FSCB: variants seen among roughly 807,000 people sequenced by gnomAD.
FSCB encodes fibrous sheath CABYR binding protein, also known as fibrous sheath CABYR-binding protein.
For missense variants in FSCB, 975 were observed against 934.8 expected (o/e 1.04, Z -0.56); for synonymous variants, 331 against 336.6 (o/e 0.98, Z 0.18).
rs774098073 is a variant in FSCB at position 44,506,124 on chromosome 14, C to T, written c.864G>A (p.Glu288=). 13 of 1,614,014 alleles carry T rather than the reference C, an allele frequency of 8.1e-6. No homozygotes were observed. In the South Asian group the frequency reaches 1.4e-4, roughly 18 times the overall value. ...TAKAEPRPAE[E]THVQVQPSTE... is the part of the protein sequence containing the mutation. ...TTGATGGCTGTACTTGGACATGGGT[C>T]TCTTCAGCAGGTCTGGGCTCCGCTT... is the stretch of plus-strand genomic sequence containing the variant. The change falls in exon 1 of 1, where the codon GAG becomes GAA. Residue 288 remains glutamate, a synonymous_variant. Coordinates refer to ENST00000340446, the MANE Select transcript of FSCB (RefSeq NM_032135.4).
rs1566598890 is a variant in FSCB at position 44,505,943 on chromosome 14, C to T, written c.1045G>A (p.Glu349Lys). The T allele has an allele frequency of 3.1e-6, 5 of 1,613,168 alleles. No individual in the cohort carries two copies. Among genetic ancestry groups the T allele is most frequent in the Non-Finnish European group, 4.2e-6 (5 of 1,179,234 alleles). The change falls in exon 1 of 1, where the codon GAA becomes AAA. Residue 349 changes from glutamate to lysine, a missense_variant. By Grantham distance (56) the Glu-to-Lys change is moderately conservative (BLOSUM62 1). Coordinates refer to ENST00000340446, the MANE Select transcript of FSCB (RefSeq NM_032135.4). ...TCTTCAGCTGATGGAGGCAGAATTT[C>T]AGCCAGAAGCTCTACAGAAGGAGAC... The part of the protein sequence containing the change: ...EESPSVELLA[E>K]ILPPSAEESP...
rs1881013942 is a variant in FSCB at position 44,504,542 on chromosome 14, T to C, written c.2446A>G (p.Ile816Val). The change falls in exon 1 of 1, where the codon ATA (isoleucine) becomes GTA (valine). Residue 816 changes from isoleucine (I) to valine (V), a missense_variant. By Grantham distance (29) the Ile-to-Val change is conservative. Coordinates refer to ENST00000340446, the MANE Select transcript of FSCB (RefSeq NM_032135.4). ...PTLEIESVFH[I>V]ELKQRPPEL ...TCAGGAGGACGTTGTTTTAATTCTATATGAAAAACACTTTCTATTTCAAGA... is the reference window on the plus strand; with the variant it reads ...TCAGGAGGACGTTGTTTTAATTCTACATGAAAAACACTTTCTATTTCAAGA... The C allele has an allele frequency of 6.2e-7, 1 of 1,612,538 alleles. No individual in the cohort carries two copies.
At chr14:44,504,860 C>A in the FSCB span, 9 of 1,614,202 alleles carry the variant, frequency 5.6e-6, no homozygotes, top group Non-Finnish European at 7.6e-6. Context: ...GAGGCCTCTT[C>A]TGCAGGGACA....
rs746482256 is a variant in FSCB, at chr14:44,504,547, A to C, written c.2441T>G (p.Phe814Cys). 6.2e-6 allele frequency: 10 copies of C among 1,613,090 alleles called. No homozygotes were observed. In the Admixed American group the frequency reaches 1.7e-4, roughly 27 times the overall value. Reference sequence around the variant, plus strand: ...AGGACGTTGTTTTAATTCTATATGAAAAACACTTTCTATTTCAAGAGTGGG... The same window carrying C: ...AGGACGTTGTTTTAATTCTATATGACAAACACTTTCTATTTCAAGAGTGGG... ...QAPTLEIESVFHIELKQRPPE... is the reference protein window; with the variant it reads ...QAPTLEIESVCHIELKQRPPE... Residue 814 changes from phenylalanine to cysteine, a missense_variant, in exon 1 of 1, where the codon TTT (phenylalanine) becomes TGT (cysteine). Phe to Cys is a radical substitution (Grantham distance 205). Coordinates refer to ENST00000340446, the MANE Select transcript of FSCB (RefSeq NM_032135.4).
chr14:44,506,257 T>G lies in FSCB; in HGVS notation c.731A>C (p.Gln244Pro), dbSNP rs1412545715. Residue 244 changes from glutamine (Q) to proline (P), a missense_variant, in exon 1 of 1, where the codon CAA becomes CCA. Gln to Pro is a moderately conservative substitution (Grantham distance 76). Transcript: ENST00000340446. ...CACTTTTTTAACAGCAGAACCTTCTTGTACAACAGGTACAGTTACTTCTTC... is the reference window on the plus strand; with the variant it reads ...CACTTTTTTAACAGCAGAACCTTCTGGTACAACAGGTACAGTTACTTCTTC... Reference protein sequence around the residue: ...LREEVTVPVVQEGSAVKKVAS... With the variant: ...LREEVTVPVVPEGSAVKKVAS... 1.2e-5 allele frequency: 19 copies of G among 1,614,192 alleles called. No individual in the cohort carries two copies. Among genetic ancestry groups the G allele is most frequent in the African/African-American group, 1.3e-5 (1 of 75,048 alleles).
At position 44,504,550 on chromosome 14, in the gene FSCB, A is replaced by T. The variant is rs754505039; in HGVS notation, c.2438T>A (p.Val813Asp). 6.2e-6 allele frequency: 10 copies of T among 1,613,092 alleles called. No individual in the cohort carries two copies. In the Admixed American group the frequency reaches 1.0e-4, roughly 16 times the overall value. Reference sequence around the variant, plus strand: ...ACGTTGTTTTAATTCTATATGAAAAACACTTTCTATTTCAAGAGTGGGAGC... The same window carrying T: ...ACGTTGTTTTAATTCTATATGAAAATCACTTTCTATTTCAAGAGTGGGAGC... ...GQAPTLEIES[V>D]FHIELKQRPP... Residue 813 changes from valine (V) to aspartate (D), a missense_variant, in exon 1 of 1, where the codon GTT becomes GAT. Coordinates refer to ENST00000340446, the MANE Select transcript of FSCB (RefSeq NM_032135.4).
chr14:44,506,290 T>C lies in FSCB; in HGVS notation c.698A>G (p.Glu233Gly). 6.2e-7 allele frequency: 1 copy of C among 1,614,168 alleles called. No homozygotes were observed. The highest frequency in any genetic ancestry group is 8.5e-7 in the Non-Finnish European group (1 of 1,180,006). The part of the protein sequence containing the change: ...KKGPPVLLED[E>G]LREEVTVPVV... ...AGGTACAGTTACTTCTTCCCTAAGC[T>C]CATCTTCTAAAAGTACCGGGGGACC... Residue 233 changes from glutamate to glycine, a missense_variant, in exon 1 of 1, where the codon GAG (glutamate) becomes GGG (glycine). Physicochemically the swap from Glu to Gly is moderately conservative, Grantham distance 98. Coordinates refer to ENST00000340446, the MANE Select transcript of FSCB (RefSeq NM_032135.4).
rs1419779624 is a variant in FSCB at position 44,506,259 on chromosome 14, T to TACAACAGGTACAGTTACTTCTTCC, written c.705_728dup (p.Glu236_Val243dup). ...CTTTTTTAACAGCAGAACCTTCTTG[T>TACAACAGGTACAGTTACTTCTTCC]ACAACAGGTACAGTTACTTCTTCCC... On this transcript the variant is annotated inframe_insertion, in exon 1 of 1. Coordinates refer to ENST00000340446, the MANE Select transcript of FSCB (RefSeq NM_032135.4). 1 of 1,614,182 alleles carries TACAACAGGTACAGTTACTTCTTCC rather than the reference T, an allele frequency of 6.2e-7. No individual in the cohort carries two copies. Among genetic ancestry groups the TACAACAGGTACAGTTACTTCTTCC allele is most frequent in the South Asian group, 1.1e-5 (1 of 91,076 alleles).
In FSCB at chr14:44,505,595, T is replaced by A. The variant is rs1365634702; in HGVS notation, c.1393A>T (p.Thr465Ser). ...TCAGCAGAGGCCTCTTCTGCAGTGG[T>A]CTCTTTAGGTAATGGAGACTGAAAT... is the stretch of plus-strand genomic sequence containing the variant. ...TEFQSPLPKE[T>S]TAEEASAEIQ... The change falls in exon 1 of 1, where the codon ACC becomes TCC. Residue 465 changes from threonine to serine, a missense_variant. Coordinates refer to ENST00000340446, the MANE Select transcript of FSCB (RefSeq NM_032135.4). The A allele has an allele frequency of 1.2e-6, 2 of 1,612,740 alleles. No homozygotes were observed. Among genetic ancestry groups the A allele is most frequent in the Non-Finnish European group, 1.7e-6 (2 of 1,179,902 alleles).
In FSCB at chr14:44,504,220, T is replaced by A. The variant is rs1035046891; in HGVS notation, c.*290A>T. 1 of 232,706 alleles carries A rather than the reference T, an allele frequency of 4.3e-6. No homozygotes were observed. The highest frequency in any genetic ancestry group is 8.2e-6 in the Non-Finnish European group (1 of 121,566). The allele number at this position is 232,706 out of a possible 1,614,324, so 14.4% of individuals were successfully genotyped here. On this transcript the variant is annotated 3_prime_UTR_variant, in exon 1 of 1. Transcript: ENST00000340446. The stretch of plus-strand genomic sequence containing the variant: ...AGAAAAGATGGCTGCAGATTAAACT[T>A]TACTCGTGTCAACAAGTTTACTGTA...
rs1436830605 is a variant in FSCB, at chr14:44,505,151, G to A, written c.1837C>T (p.Pro613Ser). 6 of 1,610,116 alleles carry A rather than the reference G, an allele frequency of 3.7e-6. No individual in the cohort carries two copies. The highest frequency in any genetic ancestry group is 4.2e-6 in the Non-Finnish European group (5 of 1,179,768). The change falls in exon 1 of 1, where the codon CCA becomes TCA. Residue 613 changes from proline to serine, a missense_variant. Coordinates refer to ENST00000340446, the MANE Select transcript of FSCB (RefSeq NM_032135.4). ...AEEAPAEVQP[P>S]PAEEAPAEVQ... is the part of the protein sequence containing the mutation. ...TCAGCGGGGGCCTCCTCAGCTGGTG[G>A]AGGCTGAACTTCAGCAGGAGCCTCT... is the stretch of plus-strand genomic sequence containing the variant.
In FSCB at chr14:44,504,458, A is replaced by G. The variant is rs377503909; in HGVS notation, c.*52T>C. 2.8e-6 allele frequency: 4 copies of G among 1,410,036 alleles called. No homozygotes were observed. Among genetic ancestry groups the G allele is most frequent in the African/African-American group, 1.4e-5 (1 of 69,710 alleles). The allele number at this position is 1,410,036 out of a possible 1,614,324, so 87.3% of individuals were successfully genotyped here. A position where few individuals can be genotyped will look rare whatever the true frequency, so the allele number is the denominator to read the frequency against. On this transcript the variant is annotated 3_prime_UTR_variant, in exon 1 of 1. Transcript: ENST00000340446. ...CCCGCTGCCCACCCTTTTCTAAAGT[A>G]TGTTCTTCCAAAACCATGTAGCTTC...
In FSCB at chr14:44,505,758, A is replaced by T; in HGVS notation, c.1230T>A (p.Ala410=). 1 of 1,613,844 alleles carries T rather than the reference A, an allele frequency of 6.2e-7. No homozygotes were observed. The highest frequency in any genetic ancestry group is 8.5e-7 in the Non-Finnish European group (1 of 1,179,950). The stretch of plus-strand genomic sequence containing the variant: ...CTTCAACAGTGGGAGGCTCTACTTT[A>T]GCTGGGGCCTCTTCAAGGGCGCCCT... The part of the protein sequence containing the change: ...PAEGALEEAP[A]KVEPPTVEET... Residue 410 remains alanine, a synonymous_variant, in exon 1 of 1, where the codon GCT becomes GCA. Coordinates refer to ENST00000340446, the MANE Select transcript of FSCB (RefSeq NM_032135.4).
chr14:44,506,235 T>A lies in FSCB; in HGVS notation c.753A>T (p.Lys251Asn). ...PVVQEGSAVK[K>N]VASAEIEPPS... ...GAGGCTCTATTTCAGCAGAAGCCAC[T>A]TTTTTAACAGCAGAACCTTCTTGTA... Residue 251 changes from lysine (K) to asparagine (N), a missense_variant, in exon 1 of 1, where the codon AAA becomes AAT. By Grantham distance (94) the Lys-to-Asn change is moderately conservative. Coordinates refer to ENST00000340446, the MANE Select transcript of FSCB (RefSeq NM_032135.4). 1 of 1,614,168 alleles carries A rather than the reference T, an allele frequency of 6.2e-7. No individual in the cohort carries two copies.
Position 44,504,608 on chromosome 14 carries a change from G to A in FSCB, c.2380C>T (p.Leu794Phe). 1.9e-6 allele frequency: 3 copies of A among 1,614,086 alleles called. No homozygotes were observed. The highest frequency in any genetic ancestry group is 2.5e-6 in the Non-Finnish European group (3 of 1,179,958). The stretch of plus-strand genomic sequence containing the variant: ...TCATTGGTATTAGACAAATCTTTAA[G>A]GACAGAATTGATTTTTGAAACCTCT... The part of the protein sequence containing the change: ...FEEVSKINSV[L>F]KDLSNTNDGQ... The change falls in exon 1 of 1, where the codon CTT (leucine) becomes TTT (phenylalanine). Residue 794 changes from leucine (L) to phenylalanine (F), a missense_variant. Coordinates refer to ENST00000340446, the MANE Select transcript of FSCB (RefSeq NM_032135.4).
rs374972956 is a variant in FSCB at position 44,504,797 on chromosome 14, T to C, written c.2191A>G (p.Ile731Val). The C allele has an allele frequency of 1.9e-6, 3 of 1,613,866 alleles. No homozygotes were observed. The highest frequency in any genetic ancestry group is 8.5e-7 in the Non-Finnish European group (1 of 1,179,918). Reference sequence around the variant, plus strand: ...GAAACTTCAGCAGAGGCCTCTCCTATAGGAAACTCCTCAGTCAGAAGCAAA... The same window carrying C: ...GAAACTTCAGCAGAGGCCTCTCCTACAGGAAACTCCTCAGTCAGAAGCAAA... Reference protein sequence around the residue: ...ADLLLTEEFPIGEASAEVSPP... With the variant: ...ADLLLTEEFPVGEASAEVSPP... The change falls in exon 1 of 1, where the codon ATA (isoleucine) becomes GTA (valine). Residue 731 changes from isoleucine to valine, a missense_variant. By Grantham distance (29) the Ile-to-Val change is conservative. Transcript: ENST00000340446.
rs1881009290 is a variant in FSCB, at chr14:44,504,406, T to A, written c.*104A>T. The A allele has an allele frequency of 2.5e-6, 2 of 795,876 alleles. No homozygotes were observed. The highest frequency in any genetic ancestry group is 3.9e-6 in the Non-Finnish European group (2 of 511,754). The allele number at this position is 795,876 out of a possible 1,614,324, so 49.3% of individuals were successfully genotyped here. A position where few individuals can be genotyped will look rare whatever the true frequency, so the allele number is the denominator to read the frequency against. Reference sequence around the variant, plus strand: ...GTATTCCAAGTCTTGGGGTCCCCTTTAATTTGCCTTATTGACAAAGCTACT... The same window carrying A: ...GTATTCCAAGTCTTGGGGTCCCCTTAAATTTGCCTTATTGACAAAGCTACT... On this transcript the variant is annotated 3_prime_UTR_variant, in exon 1 of 1. Transcript: ENST00000340446.
At position 44,505,547 on chromosome 14, in the gene FSCB, C is replaced by G; in HGVS notation, c.1441G>C (p.Glu481Gln). The part of the protein sequence containing the change: ...SAEIQLLAAT[E>Q]PPADETPAEA... ...GCAGGAGTTTCATCTGCAGGAGGCT[C>G]CGTAGCTGCTAGAAGCTGAATTTCA... is the stretch of plus-strand genomic sequence containing the variant. The change falls in exon 1 of 1, where the codon GAG (glutamate) becomes CAG (glutamine). Residue 481 changes from glutamate to glutamine, a missense_variant. Glu to Gln is a conservative substitution (Grantham distance 29). Coordinates refer to ENST00000340446, the MANE Select transcript of FSCB (RefSeq NM_032135.4). 1 of 1,612,292 alleles carries G rather than the reference C, an allele frequency of 6.2e-7. No individual in the cohort carries two copies. Among genetic ancestry groups the G allele is most frequent in the Non-Finnish European group, 8.5e-7 (1 of 1,179,890 alleles).
rs926075860 is a variant in FSCB, at chr14:44,506,602, T to C, written c.386A>G (p.Asp129Gly). The C allele has an allele frequency of 6.2e-7, 1 of 1,614,058 alleles. No individual in the cohort carries two copies. Among genetic ancestry groups the C allele is most frequent in the Admixed American group, 1.7e-5 (1 of 60,002 alleles). Residue 129 changes from aspartate (D) to glycine (G), a missense_variant, in exon 1 of 1, where the codon GAC becomes GGC. Asp to Gly is a moderately conservative substitution (Grantham distance 94). Transcript: ENST00000340446. ...TGTACGGCTGGTCTGCTGAGATCTG[T>C]CCATTTTTAGTTGAACTGAAGGTAT... ...PNIPSVQLKM[D>G]RSQQTSRTGY... is the part of the protein sequence containing the mutation.
Sources: allele counts gnomAD v4.1 joint callset, GRCh38; gene constraint gnomAD v4.1.1; transcripts MANE v1.5; gene names NCBI Gene and HGNC (gene_info 2026-07-23, HGNC 2026-07-21).